FHIT: variants seen among roughly 807,000 people sequenced by gnomAD.
FHIT encodes the protein fragile histidine triad diadenosine triphosphatase, also known as bis(5'-adenosyl)-triphosphatase.
Under a neutral mutation model 17.9 loss-of-function variants are expected in FHIT, and 19 were observed. The ratio of observed to expected loss-of-function variants is 1.06; its 90% CI spans 0.74 to 1.56. The LOEUF is 1.56. FHIT is among the 40% of genes most tolerant of loss of function. FHIT has a pLI of 0.00. For synonymous variants in FHIT, 81 were observed against 69.7 expected (o/e 1.16, Z -0.81); for missense variants, 248 against 189.2 (o/e 1.31, Z -1.82).
At chr3:60,498,345 C>T (rs1013027169) in intron 5 of FHIT, among the ~76,000 whole-genome samples, 3 of 152,140 alleles carry the variant, frequency 2.0e-5, no homozygotes, top group African/African-American at 7.2e-5. Flanking sequence ...TTATAGCATA[C>T]TAACTTCTTT....
At chr3:59,761,903 T>C (rs562301607) in intron 8 of FHIT, among the ~76,000 whole-genome samples, 3 of 152,158 alleles carry the variant, frequency 2.0e-5, no homozygotes. Flanking sequence ...ACCAGCAATT[T>C]CATCATATAA....
intron 4 of FHIT, among the ~76,000 whole-genome samples, chr3:60,771,928 C>T (rs1553723149): frequency 6.6e-6 from 1 of 152,116 alleles, no homozygotes; most frequent in East Asian, 1.9e-4. Context: ...AAATCTCAGA[C>T]ACAATTTTGG....
intron 5 of FHIT, among the ~76,000 whole-genome samples, chr3:60,310,382 A>G (rs1708885593): frequency 6.6e-6 from 1 of 152,192 alleles, no homozygotes; most frequent in Non-Finnish European, 1.5e-5. Context: ...TGGGGCAAGA[A>G]GTAGAACAAG....
chr3:60,281,286 G>A (rs1576415619), intron 5 of FHIT, among the ~76,000 whole-genome samples: 2 of 152,026 alleles, frequency 1.3e-5, no homozygotes, highest in African/African-American at 4.8e-5. Context: ...TACATTCAAC[G>A]CAGTTTCAGT....
intron 5 of FHIT, among the ~76,000 whole-genome samples, chr3:60,119,718 T>C (rs1705160025): frequency 6.6e-6 from 1 of 152,162 alleles, no homozygotes; most frequent in African/African-American, 2.4e-5. Flanking sequence ...ACTCATTGAG[T>C]ACTGGTGACT....
At chr3:60,223,324 C>T (rs944728922) in intron 5 of FHIT, among the ~76,000 whole-genome samples, 2 of 152,176 alleles carry the variant, frequency 1.3e-5, no homozygotes, top group Non-Finnish European at 2.9e-5. Context: ...GACAAGGTCA[C>T]ATAGCTAGCA....
At chr3:59,901,578 C>T (rs990016428) in intron 8 of FHIT, among the ~76,000 whole-genome samples, 1 of 152,116 alleles carries the variant, frequency 6.6e-6, no homozygotes, top group Non-Finnish European at 1.5e-5. Flanking sequence ...AATGAGATAC[C>T]ACTTCATGCT....
chr3:61,215,153 G>T (rs1342536232), intron 1 of FHIT, among the ~76,000 whole-genome samples: 10 of 151,858 alleles, frequency 6.6e-5, no homozygotes, highest in East Asian at 1.9e-4. Context: ...GGAAGTTCTG[G>T]CCAGGGCAAT....
chr3:60,889,536 T>G (rs1427149594), intron 3 of FHIT, among the ~76,000 whole-genome samples: 1 of 152,222 alleles, frequency 6.6e-6, no homozygotes, highest in Admixed American at 6.5e-5. Context: ...GACCAACTGC[T>G]CACTGATGAA....
At chr3:60,055,935 G>T (rs1331181301) in intron 5 of FHIT, among the ~76,000 whole-genome samples, 1 of 152,174 alleles carries the variant, frequency 6.6e-6, no homozygotes, top group African/African-American at 2.4e-5. Context: ...TGGCCAAGAT[G>T]AATATTTTGG....
intron 8 of FHIT, among the ~76,000 whole-genome samples, chr3:59,895,595 CTAACAA>C (rs1473175057): frequency 6.6e-6 from 1 of 152,168 alleles, no homozygotes; most frequent in African/African-American, 2.4e-5. Flanking sequence ...CATCCAGAAC[CTAACAA>C]TAAGTTACGT....
chr3:60,300,293 C>T (rs141711404), intron 5 of FHIT, among the ~76,000 whole-genome samples: 72 of 152,042 alleles, frequency 4.7e-4, no homozygotes, highest in African/African-American at 1.6e-3. Flanking sequence ...TGACTGTTAT[C>T]ACAACAGATC....
At chr3:60,241,713 A>G (rs1705138100) in intron 5 of FHIT, among the ~76,000 whole-genome samples, 1 of 152,138 alleles carries the variant, frequency 6.6e-6, no homozygotes, top group Non-Finnish European at 1.5e-5. Flanking sequence ...GGTACCGCCT[A>G]TTCCTACATA....
intron 5 of FHIT, among the ~76,000 whole-genome samples, chr3:60,199,032 G>T (rs561780329): frequency 6.6e-6 from 1 of 152,276 alleles, no homozygotes; most frequent in East Asian, 1.9e-4. Flanking sequence ...TAAAGGAGTT[G>T]TCAGAGGAAT....
chr3:60,922,939 T>A (rs1707360815), intron 3 of FHIT, among the ~76,000 whole-genome samples: 2 of 152,242 alleles, frequency 1.3e-5, no homozygotes, highest in Admixed American at 1.3e-4. Flanking sequence ...TAAGTTAAAC[T>A]TTGAATAACA....
intron 2 of FHIT, among the ~76,000 whole-genome samples, chr3:61,083,333 A>G (rs1044174736): frequency 3.3e-5 from 5 of 152,130 alleles, no homozygotes; most frequent in Non-Finnish European, 7.4e-5. Flanking sequence ...GCTCACGCCT[A>G]TAATCCCAGC....
At chr3:60,487,256 G>A (rs2033882644) in intron 5 of FHIT, among the ~76,000 whole-genome samples, 2 of 152,176 alleles carry the variant, frequency 1.3e-5, no homozygotes, top group Admixed American at 6.5e-5. Flanking sequence ...AAATGTAAGA[G>A]CCTCGTGAAG....
chr3:60,518,939 G>C (rs1240006433), intron 5 of FHIT, among the ~76,000 whole-genome samples: 1 of 152,186 alleles, frequency 6.6e-6, no homozygotes, highest in Admixed American at 6.5e-5. Flanking sequence ...GGAGGTGGAG[G>C]TTGCAGTGAG....
In FHIT at chr3:61,038,238, T is replaced by A. The variant is rs77195467; in HGVS notation, c.-111+3809A>T. Among the ~76,000 whole-genome samples, 540 of 152,314 alleles carry A rather than the reference T, an allele frequency of 3.5e-3. 3 individuals carry two copies. The highest frequency in any genetic ancestry group is 0.013 in the African/African-American group (526 of 41,566). ...AGTGGATGCTTCCTAATAAACGTAG[T>A]AAAGACACCCTCTGCAAAGCATTCT... On this transcript the variant is annotated intron_variant, in intron 3 of 9. Transcript: ENST00000492590.
Sources: allele counts gnomAD v4.1 joint callset (sites outside exome capture counted in the v4.1 genomes callset), GRCh38; gene constraint gnomAD v4.1.1; transcripts MANE v1.5; gene names NCBI Gene and HGNC (gene_info 2026-07-23, HGNC 2026-07-21).